Variants in DPP6 observed in about 807,000 individuals in gnomAD.
The protein encoded by DPP6 is dipeptidyl peptidase like 6, also known as A-type potassium channel modulatory protein DPP6.
A neutral mutation model predicts 122.6 loss-of-function variants in DPP6; 69 were observed. The ratio of observed to expected loss-of-function variants is 0.56; its 90% CI spans 0.46 to 0.69. DPP6 has a LOEUF of 0.69. DPP6 is among the 30% of genes least tolerant of loss of function. The probability of loss-of-function intolerance (pLI) is 0.00; values close to 1 mark genes in which losing one functional copy is unlikely to be tolerated. For synonymous variants in DPP6, 418 were observed against 433.1 expected (o/e 0.97, Z 0.43); for missense variants, 928 against 1,116.9 (o/e 0.83, Z 2.41).
At chr7:154,607,060 G>A (rs1833607195) in intron 5 of DPP6, among the ~76,000 whole-genome samples, 1 of 121,246 alleles carries the variant, frequency 8.2e-6, no homozygotes. Flanking sequence ...GTAGCTGCAT[G>A]AAATGCCACG....
chr7:154,383,150 G>A (rs1380087351), intron 1 of DPP6, among the ~76,000 whole-genome samples: 1 of 152,220 alleles, frequency 6.6e-6, no homozygotes, highest in Non-Finnish European at 1.5e-5. Flanking sequence ...GACTACAGCT[G>A]TTATTAATGT....
At chr7:154,274,486 C>T (rs1247255408) in intron 1 of DPP6, among the ~76,000 whole-genome samples, 1 of 152,174 alleles carries the variant, frequency 6.6e-6, no homozygotes, top group Non-Finnish European at 1.5e-5. Context: ...GTCAACATGG[C>T]CACTGACCAC....
chr7:154,192,916 T>A (rs1262614672), intron 1 of DPP6, among the ~76,000 whole-genome samples: 5 of 152,218 alleles, frequency 3.3e-5, no homozygotes, highest in Admixed American at 1.3e-4. Flanking sequence ...AGTCCAGAGC[T>A]AGTGAGCTGA....
At chr7:154,453,068 C>A (rs962204338) in intron 2 of DPP6, among the ~76,000 whole-genome samples, 1 of 152,132 alleles carries the variant, frequency 6.6e-6, no homozygotes, top group African/African-American at 2.4e-5. Flanking sequence ...CTTTTGTTAG[C>A]AGCTACAGTT....
At chr7:154,046,798 A>T (rs562344083) in intron 1 of DPP6, among the ~76,000 whole-genome samples, 1 of 152,300 alleles carries the variant, frequency 6.6e-6, no homozygotes, top group East Asian at 1.9e-4. Flanking sequence ...TCGGGGGTGA[A>T]TTAAGTTGTG....
At chr7:154,216,552 A>C (rs1800008778) in intron 1 of DPP6, among the ~76,000 whole-genome samples, 1 of 152,158 alleles carries the variant, frequency 6.6e-6, no homozygotes, top group Admixed American at 6.5e-5. Context: ...AATGGCCCAG[A>C]GATTCTTACA....
intron 3 of DPP6, among the ~76,000 whole-genome samples, chr7:154,492,042 CT>C (rs2151388965): frequency 6.6e-6 from 1 of 152,284 alleles, no homozygotes; most frequent in East Asian, 1.9e-4. Flanking sequence ...CTTGGAGCAT[CT>C]TTTATTCACT....
At chr7:154,367,100 T>G (rs1812253548) in intron 1 of DPP6, among the ~76,000 whole-genome samples, 1 of 151,934 alleles carries the variant, frequency 6.6e-6, no homozygotes, top group South Asian at 2.1e-4. Flanking sequence ...TTGGAGTTGT[T>G]GAGAGACAGG....
chr7:154,679,776 G>A (rs188750082), intron 7 of DPP6, among the ~76,000 whole-genome samples: 1 of 152,342 alleles, frequency 6.6e-6, no homozygotes, highest in Non-Finnish European at 1.5e-5. Flanking sequence ...CATGGGCACT[G>A]AGGTCTGTGA....
At chr7:154,020,207 C>T (rs1798631429) in intron 1 of DPP6, among the ~76,000 whole-genome samples, 1 of 151,814 alleles carries the variant, frequency 6.6e-6, no homozygotes, top group Non-Finnish European at 1.5e-5. Context: ...ATTCTGTGTC[C>T]ATGTGTTTTA....
intron 5 of DPP6, among the ~76,000 whole-genome samples, chr7:154,619,849 T>C (rs781734518): frequency 2.0e-5 from 3 of 152,198 alleles, no homozygotes; most frequent in Non-Finnish European, 4.4e-5. Context: ...ACATCAGTAC[T>C]TTTTTAAAAA....
chr7:154,306,419 A>G (rs1024868828), intron 1 of DPP6, among the ~76,000 whole-genome samples: 3 of 152,236 alleles, frequency 2.0e-5, no homozygotes, highest in African/African-American at 7.2e-5. Context: ...GGAGACACCA[A>G]TAGATTCACA....
intron 1 of DPP6, among the ~76,000 whole-genome samples, chr7:154,119,886 C>A (rs1207976138): frequency 6.6e-6 from 1 of 150,690 alleles, no homozygotes; most frequent in Admixed American, 6.6e-5. Flanking sequence ...CACAGTGGAG[C>A]TGACACAGGG....
chr7:154,636,581 C>T (rs111675577), intron 5 of DPP6, among the ~76,000 whole-genome samples: 2,615 of 152,294 alleles, frequency 0.017, 31 homozygotes, highest in Middle Eastern at 0.048. Context: ...GGCCCCGGGC[C>T]GCATATTTCT....
intron 1 of DPP6, among the ~76,000 whole-genome samples, chr7:154,008,876 A>G (rs1798036654): frequency 6.6e-6 from 1 of 150,700 alleles, no homozygotes; most frequent in Admixed American, 6.6e-5. Flanking sequence ...CGTGTTAGCC[A>G]GGATGGTCTC....
chr7:154,371,126 C>A (rs1431183496), intron 1 of DPP6, among the ~76,000 whole-genome samples: 2 of 152,026 alleles, frequency 1.3e-5, no homozygotes, highest in East Asian at 3.9e-4. Context: ...ACCTGTTATC[C>A]CAGCACTTTG....
intron 16 of DPP6, among the ~76,000 whole-genome samples, chr7:154,851,098 G>A (rs982497321): frequency 2.0e-5 from 3 of 152,190 alleles, no homozygotes; most frequent in African/African-American, 7.2e-5. Flanking sequence ...GGATAAAATA[G>A]ATCACTGTTA....
chr7:154,548,957 G>C (rs991495709), intron 4 of DPP6, among the ~76,000 whole-genome samples: 2 of 152,110 alleles, frequency 1.3e-5, no homozygotes, highest in African/African-American at 4.8e-5. Flanking sequence ...AAATGAAAAG[G>C]GTGGATAATT....
At chr7:153,892,360 C>A (rs572729148) in intron 1 of DPP6, among the ~76,000 whole-genome samples, 14 of 152,090 alleles carry the variant, frequency 9.2e-5, no homozygotes, top group Admixed American at 7.9e-4. Context: ...GTCTCCCAGG[C>A]TGGAATGCAG....
Sources: gnomAD v4.1 joint callset for allele counts (sites outside exome capture counted in the v4.1 genomes callset) on GRCh38, gnomAD v4.1.1 for gene constraint, MANE v1.5 for transcripts, NCBI Gene and HGNC (gene_info 2026-07-23, HGNC 2026-07-21) for gene names.